The following GRK5 variants were observed in gnomAD, a reference collection of about 807,000 sequenced individuals.
The protein encoded by GRK5 is g protein-coupled receptor kinase GRK5.
A neutral mutation model predicts 78.4 loss-of-function variants in GRK5; 40 were observed. The ratio of observed to expected loss-of-function variants is 0.51; its 90% CI spans 0.40 to 0.66. GRK5 has a LOEUF of 0.66. Among genes scored for constraint, GRK5 ranks in the 30% least tolerant of loss-of-function variants. GRK5 has a pLI of 0.00. For missense variants in GRK5, 598 were observed against 759.9 expected, an observed-to-expected ratio of 0.79 and a Z score of 2.50; for synonymous variants, 289 against 296.8, an observed-to-expected ratio of 0.97 and a Z score of 0.27.
In GRK5 at chr10:119,299,987, T is replaced by A. The variant is rs188002297; in HGVS notation, c.53-26529T>A. ...TTCCCCACCCCACGACAGGCCCCGG[T>A]GTGTGATGTTCCCTAAGCAGATGTT... On this transcript the variant is annotated intron_variant, in intron 1 of 15. Coordinates refer to ENST00000392870, the MANE Select transcript of GRK5 (RefSeq NM_005308.3). 1.7e-3 allele frequency among the ~76,000 whole-genome samples: 263 copies of A among 151,774 alleles called. 1 individual carries two copies. Among genetic ancestry groups the A allele is most frequent in the Middle Eastern group, 0.017 (5 of 294 alleles).
At chr10:119,352,478 C>T (rs1343656107) in intron 2 of GRK5, among the ~76,000 whole-genome samples, 1 of 152,196 alleles carries the variant, frequency 6.6e-6, no homozygotes, top group Non-Finnish European at 1.5e-5. Context: ...GGAGGACAAA[C>T]ATCCTGCCCT....
In GRK5 at chr10:119,379,923, C is replaced by G. The variant is rs368438036; in HGVS notation, c.149-892C>G. Among the ~76,000 whole-genome samples the G allele has an allele frequency of 1.3e-5, 2 of 152,118 alleles. No homozygotes were observed. The highest frequency in any genetic ancestry group is 2.9e-5 in the Non-Finnish European group (2 of 68,016). ...GGCTAACACCATGGTCTCTGGGCCTCTTGGTGGGAGTCTTGCAGTATTTCC... is the reference window on the plus strand; with the variant it reads ...GGCTAACACCATGGTCTCTGGGCCTGTTGGTGGGAGTCTTGCAGTATTTCC... On this transcript the variant is annotated intron_variant, in intron 2 of 15. Transcript: ENST00000392870. This position sits in a 1 kb window ranked among gnomAD's most constrained non-coding sequence, Gnocchi z 4.1.
intron 1 of GRK5, among the ~76,000 whole-genome samples, chr10:119,319,025 T>A (rs892991618): frequency 1.3e-5 from 2 of 152,216 alleles, no homozygotes; most frequent in Non-Finnish European, 1.5e-5. Flanking sequence ...AGTGGCTTTT[T>A]ATTATTACTT....
At chr10:119,388,884 G>C (rs915468543) in intron 3 of GRK5, among the ~76,000 whole-genome samples, 2 of 152,208 alleles carry the variant, frequency 1.3e-5, no homozygotes, top group Admixed American at 1.3e-4. Context: ...GCAGGAGGGA[G>C]CCTCTCCATG....
chr10:119,327,834 C>T (rs888712525), intron 2 of GRK5, among the ~76,000 whole-genome samples: 2 of 152,192 alleles, frequency 1.3e-5, no homozygotes, highest in Non-Finnish European at 2.9e-5. Flanking sequence ...GGTCAGGAAA[C>T]GTCCTTAAGA....
chr10:119,279,073 G>T (rs1460261068), intron 1 of GRK5, among the ~76,000 whole-genome samples: 2 of 152,018 alleles, frequency 1.3e-5, no homozygotes, highest in African/African-American at 4.8e-5. Flanking sequence ...GTAGAGACGG[G>T]GTTTCACCAT....
At chr10:119,449,855 G>C (rs1334604708) in intron 13 of GRK5, among the ~76,000 whole-genome samples, 1 of 152,180 alleles carries the variant, frequency 6.6e-6, no homozygotes, top group Non-Finnish European at 1.5e-5. Flanking sequence ...GAGCAGGCAG[G>C]GGGAGGATGG....
At position 119,250,686 on chromosome 10, in the gene GRK5, C is replaced by T. The variant is rs527963631; in HGVS notation, c.52+42717C>T. Among the ~76,000 whole-genome samples, 4 of 152,234 alleles carry T rather than the reference C, an allele frequency of 2.6e-5. No individual in the cohort carries two copies. The South Asian group carries it at 6.2e-4, about 24-fold the overall frequency. On this transcript the variant is annotated intron_variant, in intron 1 of 15. Transcript: ENST00000392870. Reference sequence around the variant, plus strand: ...TTCCATCCACACTTTTTCCTTAAGTCAGCACCTTGATGACTGGATCAGAGC... The same window carrying T: ...TTCCATCCACACTTTTTCCTTAAGTTAGCACCTTGATGACTGGATCAGAGC...
At chr10:119,396,806 A>T (rs1238774965) in intron 4 of GRK5, 34 bp downstream of exon 4, 1 of 1,530,378 alleles carries the variant, frequency 6.5e-7, no homozygotes, top group African/African-American at 1.4e-5. Flanking sequence ...AGCAGGTGGC[A>T]CAGGAGGCCT....
At chr10:119,259,359 C>T (rs535689149) in intron 1 of GRK5, among the ~76,000 whole-genome samples, 45 of 152,218 alleles carry the variant, frequency 3.0e-4, no homozygotes, top group Non-Finnish European at 3.5e-4. Flanking sequence ...CCACTGCGCC[C>T]GGCCTAACAC....
At chr10:119,413,123 C>A (rs1484781495) in intron 4 of GRK5, among the ~76,000 whole-genome samples, 1 of 152,086 alleles carries the variant, frequency 6.6e-6, no homozygotes, top group Non-Finnish European at 1.5e-5. Flanking sequence ...CTCCTATGGT[C>A]AAATGAAACC....
At chr10:119,390,815 AAC>A (rs905831431) in intron 3 of GRK5, among the ~76,000 whole-genome samples, 56 of 152,322 alleles carry the variant, frequency 3.7e-4, no homozygotes, top group African/African-American at 1.3e-3. Context: ...TCCTTCCCAC[AAC>A]ACAAGAAAAT....
intron 6 of GRK5, among the ~76,000 whole-genome samples, chr10:119,427,562 G>GCCATCATCAGCATCACCA (rs1564931077): frequency 4.7e-5 from 7 of 147,664 alleles, no homozygotes; most frequent in African/African-American, 1.5e-4. Context: ...CAGTATCACC[G>GCCATCATCAGCATCACCA]CCATCATCAG....
Position 119,207,681 on chromosome 10 carries a change from A to AG in GRK5, c.-231dup, listed in dbSNP as rs1848407245. The AG allele has an allele frequency of 3.9e-6, 1 of 256,424 alleles. No individual in the cohort carries two copies. Among genetic ancestry groups the AG allele is most frequent in the Non-Finnish European group, 6.4e-6 (1 of 156,438 alleles). The allele number at this position is 256,424 out of a possible 1,614,324, so 15.9% of individuals were successfully genotyped here. A position where few individuals can be genotyped will look rare whatever the true frequency, so the allele number is the denominator to read the frequency against. ...GGGGGAGCGTGTTGAGGGAGGGGGG[A>AG]GGGGGGACACAGAGGGAGGAAGAAG... is the stretch of plus-strand genomic sequence containing the variant. On this transcript the variant is annotated 5_prime_UTR_variant, in exon 1 of 16. Transcript: ENST00000392870.
At chr10:119,385,573 C>G (rs919114109) in intron 3 of GRK5, among the ~76,000 whole-genome samples, 4 of 152,196 alleles carry the variant, frequency 2.6e-5, no homozygotes, top group African/African-American at 9.7e-5. Context: ...ATCTTAGTAG[C>G]CCCTGGCGGT....
chr10:119,411,266 C>A (rs778285613), intron 4 of GRK5, among the ~76,000 whole-genome samples: 1 of 152,138 alleles, frequency 6.6e-6, no homozygotes, highest in East Asian at 1.9e-4. Flanking sequence ...GTGTCTGCAC[C>A]ATGATGGAGT....
At chr10:119,347,007 G>T (rs933830642) in intron 2 of GRK5, among the ~76,000 whole-genome samples, 8 of 152,174 alleles carry the variant, frequency 5.3e-5, no homozygotes, top group African/African-American at 1.9e-4. Flanking sequence ...CAGGCATCAA[G>T]ATATGGTTAC....
intron 1 of GRK5, among the ~76,000 whole-genome samples, chr10:119,214,418 T>C (rs1848537352): frequency 6.6e-6 from 1 of 152,226 alleles, no homozygotes. Flanking sequence ...GACAATGGCC[T>C]GAGGGACCAG....
At chr10:119,335,036 C>T (rs1000989488) in intron 2 of GRK5, 33 of 151,552 alleles carry the variant, frequency 2.2e-4, no homozygotes, top group African/African-American at 7.3e-4. Flanking sequence ...GAAAAAAAAT[C>T]ATCTTCATAG....
Sources: allele counts gnomAD v4.1 joint callset (sites outside exome capture counted in the v4.1 genomes callset), GRCh38; gene constraint gnomAD v4.1.1; non-coding constraint Gnocchi (gnomAD v3.1); transcripts MANE v1.5; gene names NCBI Gene and HGNC (gene_info 2026-07-23, HGNC 2026-07-21).